SLC35F3: variants seen among roughly 807,000 people sequenced by gnomAD.
SLC35F3 encodes putative thiamine transporter SLC35F3.
SLC35F3 carries 25 observed loss-of-function variants against 49.9 expected under a neutral mutation model. The observed-to-expected ratio is 0.50, with a 90% CI of 0.37 to 0.70. The LOEUF is 0.70. Ranked by LOEUF, SLC35F3 falls within the 30% of genes least tolerant of loss-of-function variation. The pLI is 0.00. For synonymous variants in SLC35F3, 275 were observed against 265.4 expected (o/e 1.04, Z -0.35); for missense variants, 525 against 639.8 (o/e 0.82, Z 1.94).
chr1:234,214,424 C>G lies in SLC35F3; in HGVS notation c.284-16993C>G, dbSNP rs1396934403. On this transcript the variant is annotated intron_variant, in intron 2 of 7. Transcript: ENST00000366618. This position sits in a 1 kb window ranked among gnomAD's most constrained non-coding sequence, Gnocchi z 8.0. ...CAGAGGGCCGCGTCGGCCACGGGCC[C>G]GGGAGAGACGCGCTCCAGCCGGCCC... The G allele has an allele frequency of 6.2e-6, 9 of 1,461,746 alleles. No homozygotes were observed. The highest frequency in any genetic ancestry group is 5.9e-5 in the East Asian group (2 of 33,954). 90.5% of individuals were successfully genotyped at this position (1,461,746 alleles called of 1,614,324 possible).
intron 3 of SLC35F3, among the ~76,000 whole-genome samples, chr1:234,303,171 CAT>C (rs1365153418): frequency 6.6e-6 from 1 of 152,180 alleles, no homozygotes; most frequent in Non-Finnish European, 1.5e-5. Flanking sequence ...CATAAGCACA[CAT>C]ATATTGTTCA....
chr1:233,927,394 A>C lies in SLC35F3; in HGVS notation c.283+21636A>C, dbSNP rs57448301. Reference sequence around the variant, plus strand: ...ACATTTGTATCATCTAATTTACTTCAAAATGGTTTTTCAAAATTTATACCT... The same window carrying C: ...ACATTTGTATCATCTAATTTACTTCCAAATGGTTTTTCAAAATTTATACCT... On this transcript the variant is annotated intron_variant, in intron 2 of 7. Coordinates refer to ENST00000366618, the MANE Select transcript of SLC35F3 (RefSeq NM_173508.4). Among the ~76,000 whole-genome samples, 522 of 152,264 alleles carry C rather than the reference A, an allele frequency of 3.4e-3. 6 individuals are homozygous for C. Among genetic ancestry groups the C allele is most frequent in the African/African-American group, 0.012 (491 of 41,558 alleles).
chr1:233,982,700 T>G (rs189309154), intron 2 of SLC35F3, among the ~76,000 whole-genome samples: 5 of 152,304 alleles, frequency 3.3e-5, no homozygotes, highest in South Asian at 2.1e-4. Flanking sequence ...CACATCTTTT[T>G]TTTGTTTGTT....
At chr1:234,031,790 G>T (rs1459634955) in intron 2 of SLC35F3, among the ~76,000 whole-genome samples, 1 of 152,154 alleles carries the variant, frequency 6.6e-6, no homozygotes, top group Non-Finnish European at 1.5e-5. Context: ...TCCATTTCAA[G>T]GTCTCCTGCC....
intron 2 of SLC35F3, among the ~76,000 whole-genome samples, chr1:234,223,259 G>C (rs778739596): frequency 3.3e-5 from 5 of 152,152 alleles, no homozygotes; most frequent in Non-Finnish European, 7.3e-5. Flanking sequence ...GCCGATTTAG[G>C]TGTCTGATTA....
intron 2 of SLC35F3, among the ~76,000 whole-genome samples, chr1:234,076,943 C>G (rs1041093633): frequency 2.7e-5 from 4 of 150,582 alleles, no homozygotes; most frequent in Non-Finnish European, 5.9e-5. Context: ...TTTCACACTG[C>G]TAAAAAGAAC....
intron 2 of SLC35F3, among the ~76,000 whole-genome samples, chr1:233,942,601 A>G (rs574088017): frequency 6.6e-6 from 1 of 152,112 alleles, no homozygotes; most frequent in South Asian, 2.1e-4. Context: ...TTTTGTAGAG[A>G]TAGAGTTTCA....
intron 2 of SLC35F3, among the ~76,000 whole-genome samples, chr1:234,139,969 TAAAATAAA>T (rs1201092815): frequency 1.1e-4 from 15 of 134,272 alleles, no homozygotes; most frequent in African/African-American, 3.9e-4. Flanking sequence ...TAAAATAAAA[TAAAATAAA>T]ATAAAATAAA....
intron 3 of SLC35F3, among the ~76,000 whole-genome samples, chr1:234,294,192 C>A (rs1668554013): frequency 6.6e-6 from 1 of 152,146 alleles, no homozygotes; most frequent in South Asian, 2.1e-4. Flanking sequence ...ACCCCAAATC[C>A]ACATACCCTT....
At chr1:234,068,823 T>TTTTATATATATATATA (rs1553302354) in intron 2 of SLC35F3, among the ~76,000 whole-genome samples, 3 of 71,184 alleles carry the variant, frequency 4.2e-5, no homozygotes, top group African/African-American at 1.2e-4. Context: ...ATTTGAGACA[T>TTTTATATATATATATA]TATATATATA....
intron 2 of SLC35F3, among the ~76,000 whole-genome samples, chr1:234,211,163 A>G (rs891046890): frequency 2.6e-5 from 4 of 152,232 alleles, no homozygotes; most frequent in African/African-American, 9.6e-5. Flanking sequence ...GGGTTTGGGA[A>G]CCTTTACCTA....
At chr1:233,905,450 A>G (rs575607578) in intron 1 of SLC35F3, 79 bp from the exon 2 acceptor site, 19 of 1,102,068 alleles carry the variant, frequency 1.7e-5, no homozygotes, top group Non-Finnish European at 2.5e-5. Context: ...TCGCCCTGGG[A>G]TCTGCTCCTC....
At chr1:234,158,467 A>T (rs1034984575) in intron 2 of SLC35F3, among the ~76,000 whole-genome samples, 1 of 152,228 alleles carries the variant, frequency 6.6e-6, no homozygotes, top group Admixed American at 6.5e-5. Context: ...TGAAAAATAA[A>T]TACATATTGA....
At chr1:234,267,861 G>A (rs544415123) in intron 3 of SLC35F3, among the ~76,000 whole-genome samples, 4 of 144,976 alleles carry the variant, frequency 2.8e-5, no homozygotes, top group Admixed American at 6.7e-5. Context: ...CAGACAGGGC[G>A]GCGGGGCAGA....
In SLC35F3 at chr1:234,059,616, CTAGACATAGACATAGACATAGACA is replaced by C. The variant is rs55704046; in HGVS notation, c.283+153901_283+153924del. ...CTAGAGCTAGAGACATAGACATAGA[CTAGACATAGACATAGACATAGACA>C]TAGACATAGACATAGACATAGACAT... On this transcript the variant is annotated intron_variant, in intron 2 of 7. Coordinates refer to ENST00000366618, the MANE Select transcript of SLC35F3 (RefSeq NM_173508.4). Among the ~76,000 whole-genome samples the C allele has an allele frequency of 1.3e-3, 176 of 135,360 alleles. 1 individual carries two copies. Among genetic ancestry groups the C allele is most frequent in the African/African-American group, 2.6e-3 (97 of 36,778 alleles). 88.8% of individuals were successfully genotyped at this position (135,360 alleles called of 152,430 possible).
intron 3 of SLC35F3, among the ~76,000 whole-genome samples, chr1:234,284,521 A>G (rs1024341395): frequency 3.9e-5 from 6 of 152,166 alleles, no homozygotes; most frequent in Middle Eastern, 3.2e-3. Context: ...GCAGATGCAA[A>G]TGGAGCTCTT....
At chr1:234,279,446 G>A (rs55748260) in intron 3 of SLC35F3, among the ~76,000 whole-genome samples, 22,765 of 152,082 alleles carry the variant, frequency 0.15, 2,021 homozygotes, top group Admixed American at 0.18. Context: ...AACAGAAATC[G>A]GAAGACAGAG....
intron 3 of SLC35F3, among the ~76,000 whole-genome samples, chr1:234,277,381 G>C (rs1668228956): frequency 6.6e-6 from 1 of 152,202 alleles, no homozygotes; most frequent in Non-Finnish European, 1.5e-5. Flanking sequence ...CTTTGGAAGA[G>C]AGGCAGCTCA....
At chr1:234,266,882 T>TTTG (rs1553259693) in intron 3 of SLC35F3, among the ~76,000 whole-genome samples, 3 of 146,936 alleles carry the variant, frequency 2.0e-5, no homozygotes, top group African/African-American at 5.0e-5. Context: ...GGTTTTTTTT[T>TTTG]TTTTTTTTTT....
Sources: gnomAD v4.1 joint callset for allele counts (sites outside exome capture counted in the v4.1 genomes callset) on GRCh38, gnomAD v4.1.1 for gene constraint, Gnocchi (gnomAD v3.1) non-coding constraint, MANE v1.5 for transcripts, NCBI Gene and HGNC (gene_info 2026-07-23, HGNC 2026-07-21) for gene names.